GPR39: variants seen among roughly 807,000 people sequenced by gnomAD.
GPR39 encodes G protein-coupled receptor 39.
In GPR39, 23 loss-of-function variants were observed where a neutral mutation model predicts 18.4. The observed-to-expected ratio is 1.25, with a 90% confidence interval of 0.90 to 1.77. The LOEUF (loss-of-function observed/expected upper bound fraction) is 1.77, where lower values mean the gene tolerates loss of function less well. Among genes scored for constraint, GPR39 ranks in the 40% most tolerant of loss-of-function variants. GPR39 has a pLI of 0.00. For synonymous variants in GPR39, 280 were observed against 257.9 expected, an observed-to-expected ratio of 1.09 and a Z score of -0.82; for missense variants, 647 against 602.4, an observed-to-expected ratio of 1.07 and a Z score of -0.78.
intron 1 of GPR39, among the ~76,000 whole-genome samples, chr2:132,619,842 CACACACACACACACAG>C (rs1040749205): frequency 1.6e-4 from 22 of 138,790 alleles, no homozygotes; most frequent in Non-Finnish European, 2.5e-4. Context: ...CACACACACA[CACACACACACACACAG>C]ACACACACAC....
intron 1 of GPR39, among the ~76,000 whole-genome samples, chr2:132,444,958 T>A (rs538203504): frequency 6.6e-6 from 1 of 152,306 alleles, no homozygotes; most frequent in African/African-American, 2.4e-5. Context: ...AAGAGCCAGA[T>A]AAGATAAGAA....
At chr2:132,529,942 G>A (rs1416968741) in intron 1 of GPR39, among the ~76,000 whole-genome samples, 3 of 152,176 alleles carry the variant, frequency 2.0e-5, no homozygotes, top group African/African-American at 7.2e-5. Flanking sequence ...AAAAATCAGA[G>A]CGCCTCTCCT....
intron 1 of GPR39, among the ~76,000 whole-genome samples, chr2:132,592,435 C>T (rs77323630): frequency 5.3e-5 from 8 of 152,094 alleles, no homozygotes; most frequent in Non-Finnish European, 1.2e-4. Flanking sequence ...TGAGCAGAGT[C>T]AGGGAGAATG....
chr2:132,578,280 A>G (rs905889509), intron 1 of GPR39, among the ~76,000 whole-genome samples: 1 of 152,044 alleles, frequency 6.6e-6, no homozygotes, highest in Non-Finnish European at 1.5e-5. Context: ...GTTAAATACT[A>G]TTTACTGATA....
intron 1 of GPR39, among the ~76,000 whole-genome samples, chr2:132,585,664 G>A (rs542815069): frequency 1.3e-5 from 2 of 152,110 alleles, no homozygotes; most frequent in Non-Finnish European, 2.9e-5. Flanking sequence ...GTCAGCTGGT[G>A]CTCGAGGTGG....
chr2:132,456,347 C>T (rs1680728471), intron 1 of GPR39, among the ~76,000 whole-genome samples: 1 of 151,470 alleles, frequency 6.6e-6, no homozygotes, highest in Non-Finnish European at 1.5e-5. Flanking sequence ...CTTCCTCCAT[C>T]CCTTTATTTT....
intron 1 of GPR39, among the ~76,000 whole-genome samples, chr2:132,497,829 G>T (rs1558817028): frequency 6.6e-6 from 1 of 152,138 alleles, no homozygotes. Context: ...TATCTCTGTG[G>T]ATGTCTGAAA....
At chr2:132,545,857 G>A (rs760637215) in intron 1 of GPR39, among the ~76,000 whole-genome samples, 36 of 152,162 alleles carry the variant, frequency 2.4e-4, no homozygotes, top group Admixed American at 1.1e-3. Context: ...CTAAGTTTGC[G>A]TAACAAGAGA....
Position 132,564,685 on chromosome 2 carries a change from T to C in GPR39, c.857-80416T>C, listed in dbSNP as rs115817436. Among the ~76,000 whole-genome samples, 1,391 of 152,258 alleles carry C rather than the reference T, an allele frequency of 9.1e-3. 20 individuals carry two copies. The highest frequency in any genetic ancestry group is 0.029 in the African/African-American group (1,219 of 41,530). On this transcript the variant is annotated intron_variant, in intron 1 of 1. Transcript: ENST00000329321. ...ATGTAATATCACTCTCCACGGAGTC[T>C]TACAAATCTAACACTTTGAGGGCAT...
intron 1 of GPR39, among the ~76,000 whole-genome samples, chr2:132,556,445 C>T (rs1184855452): frequency 6.6e-6 from 1 of 152,122 alleles, no homozygotes; most frequent in African/African-American, 2.4e-5. Flanking sequence ...ACATGCTGGC[C>T]CCAGTACACC....
chr2:132,641,142 ATTAT>A (rs1681850473), intron 1 of GPR39, among the ~76,000 whole-genome samples: 1 of 152,248 alleles, frequency 6.6e-6, no homozygotes. Flanking sequence ...CATGATCTGC[ATTAT>A]TCTAGGATAG....
At chr2:132,451,183 G>A (rs1368011156) in intron 1 of GPR39, among the ~76,000 whole-genome samples, 3 of 150,004 alleles carry the variant, frequency 2.0e-5, no homozygotes, top group African/African-American at 7.4e-5. Flanking sequence ...GTGCACGCGC[G>A]TGAAATGCTT....
At chr2:132,493,135 CATAT>C (rs1167102506) in intron 1 of GPR39, among the ~76,000 whole-genome samples, 1 of 135,814 alleles carries the variant, frequency 7.4e-6, no homozygotes, top group Non-Finnish European at 1.6e-5. Context: ...ATATATATAC[CATAT>C]ATATACATTC....
chr2:132,611,772 CT>C (rs1681243647), intron 1 of GPR39, among the ~76,000 whole-genome samples: 1 of 152,130 alleles, frequency 6.6e-6, no homozygotes, highest in Non-Finnish European at 1.5e-5. Context: ...AAATTTCTTT[CT>C]TTCTTTTTTG....
chr2:132,633,070 G>C (rs1681680101), intron 1 of GPR39, among the ~76,000 whole-genome samples: 1 of 152,096 alleles, frequency 6.6e-6, no homozygotes, highest in South Asian at 2.1e-4. Context: ...GGGGTAAAGA[G>C]GGTAAAGAAG....
At chr2:132,458,044 C>G (rs1253975521) in intron 1 of GPR39, among the ~76,000 whole-genome samples, 3 of 152,226 alleles carry the variant, frequency 2.0e-5, no homozygotes. Context: ...GTCACGGCTT[C>G]CCTTGGCTAG....
intron 1 of GPR39, among the ~76,000 whole-genome samples, chr2:132,588,240 G>T (rs1386023554): frequency 6.6e-6 from 1 of 152,206 alleles, no homozygotes; most frequent in Non-Finnish European, 1.5e-5. Flanking sequence ...TACCCCTTTA[G>T]TGAGAGGGAG....
rs1679568485 is a variant in GPR39 at position 132,529,313 on chromosome 2, C to G, written c.856+111415C>G. 1.3e-5 allele frequency among the ~76,000 whole-genome samples: 2 copies of G among 152,212 alleles called. 1 individual carries two copies. Among genetic ancestry groups the G allele is most frequent in the South Asian group, 4.1e-4 (2 of 4,834 alleles). The stretch of plus-strand genomic sequence containing the variant: ...CGGCAGCGAGGCTGGGGGAGGGGCG[C>G]CCGCCATTGCCGAGGCTTGAGTAGG... On this transcript the variant is annotated intron_variant, in intron 1 of 1. Transcript: ENST00000329321.
intron 1 of GPR39, among the ~76,000 whole-genome samples, chr2:132,584,685 C>A (rs978946351): frequency 1.3e-5 from 2 of 152,026 alleles, no homozygotes; most frequent in Non-Finnish European, 2.9e-5. Context: ...AGAGAACTCA[C>A]TTCTAGAGGC....
Sources: allele counts gnomAD v4.1 joint callset (sites outside exome capture counted in the v4.1 genomes callset), GRCh38; gene constraint gnomAD v4.1.1; transcripts MANE v1.5; gene names NCBI Gene and HGNC (gene_info 2026-07-23, HGNC 2026-07-21).